The following AUTS2 variants were observed in gnomAD, a reference collection of about 807,000 sequenced individuals.
The protein encoded by AUTS2 is activator of transcription and developmental regulator AUTS2.
Under a neutral mutation model 112.4 loss-of-function variants are expected in AUTS2, and 17 were observed. The ratio of observed to expected loss-of-function variants is 0.15; its 90% CI spans 0.10 to 0.23. The LOEUF (loss-of-function observed/expected upper bound fraction) is 0.23. AUTS2 is among the 10% of genes least tolerant of loss of function. The probability of loss-of-function intolerance (pLI) is 1.00; values close to 1 mark genes in which losing one functional copy is unlikely to be tolerated. For synonymous variants in AUTS2, 751 were observed against 702.7 expected, an observed-to-expected ratio of 1.07 and a Z score of -1.09; for missense variants, 1,510 against 1,701.6, an observed-to-expected ratio of 0.89 and a Z score of 1.98.
At chr7:69,632,624 TTTTC>T (rs1247324894) in intron 1 of AUTS2, among the ~76,000 whole-genome samples, 3 of 146,908 alleles carry the variant, frequency 2.0e-5, no homozygotes, top group Non-Finnish European at 3.0e-5. Flanking sequence ...TCCCTCTCTG[TTTTC>T]TTTCTCTTTC....
chr7:69,903,197 C>T (rs1036559560), intron 2 of AUTS2, among the ~76,000 whole-genome samples: 1 of 152,016 alleles, frequency 6.6e-6, no homozygotes, highest in Non-Finnish European at 1.5e-5. Flanking sequence ...GAGCTTTATT[C>T]TCTAATTGGG....
chr7:70,267,864 T>A (rs1787508818), intron 4 of AUTS2, among the ~76,000 whole-genome samples: 1 of 152,162 alleles, frequency 6.6e-6, no homozygotes, highest in African/African-American at 2.4e-5. Flanking sequence ...AGGGATTGCT[T>A]TTCCCCCCCT....
intron 1 of AUTS2, among the ~76,000 whole-genome samples, chr7:69,702,041 G>T (rs1357759954): frequency 6.6e-6 from 1 of 152,190 alleles, no homozygotes; most frequent in East Asian, 1.9e-4. Flanking sequence ...TGAGATCAGT[G>T]CATCCTCTTT....
intron 4 of AUTS2, among the ~76,000 whole-genome samples, chr7:70,396,050 G>T (rs1320847977): frequency 7.9e-5 from 12 of 152,172 alleles, no homozygotes; most frequent in Admixed American, 7.9e-4. Flanking sequence ...CAGCTTTATT[G>T]TGGTGTAATT....
intron 6 of AUTS2, among the ~76,000 whole-genome samples, chr7:70,721,255 G>C (rs184163062): frequency 6.7e-6 from 1 of 149,106 alleles, no homozygotes; most frequent in East Asian, 2.0e-4. Flanking sequence ...CACGACTGAC[G>C]TGTGTGACAG....
intron 5 of AUTS2, among the ~76,000 whole-genome samples, chr7:70,479,541 G>A (rs1348014114): frequency 1.3e-5 from 2 of 152,228 alleles, no homozygotes; most frequent in Admixed American, 1.3e-4. Flanking sequence ...AGACGTTACT[G>A]ATGATGCATT....
intron 5 of AUTS2, among the ~76,000 whole-genome samples, chr7:70,629,533 A>G (rs1031667140): frequency 6.6e-6 from 1 of 151,628 alleles, no homozygotes; most frequent in African/African-American, 2.4e-5. Context: ...TGGTCATAGC[A>G]GCCAACATAC....
In AUTS2 at chr7:70,500,725, A is replaced by AT. The variant is rs145102247; in HGVS notation, c.690+64958dup. Among the ~76,000 whole-genome samples the AT allele has an allele frequency of 1.6e-3, 238 of 145,266 alleles. 1 individual carries two copies. Among genetic ancestry groups the AT allele is most frequent in the Middle Eastern group, 3.6e-3 (1 of 278 alleles). On this transcript the variant is annotated intron_variant, in intron 5 of 18. Transcript: ENST00000342771. ...AAATAATGGGTTGACCAAATTGATA[A>AT]TTTTTTTTTTTTTTGAGATGGAGTC... is the stretch of plus-strand genomic sequence containing the variant.
At position 69,606,188 on chromosome 7, in the gene AUTS2, G is replaced by A. The variant is rs565964676; in HGVS notation, c.309+6226G>A. ...GTTAAGAAAACAGAACAGTAAACAT[G>A]ATTCAAGGAGTGTTGAGGGTGATAG... On this transcript the variant is annotated intron_variant, in intron 1 of 18. Coordinates refer to ENST00000342771, the MANE Select transcript of AUTS2 (RefSeq NM_015570.4). Among the ~76,000 whole-genome samples, 15 of 152,320 alleles carry A rather than the reference G, an allele frequency of 9.8e-5. 1 individual carries two copies. The East Asian group carries it at 2.9e-3, about 29-fold the overall frequency.
At chr7:70,616,753 G>GTTCTT (rs1804390397) in intron 5 of AUTS2, among the ~76,000 whole-genome samples, 1 of 131,304 alleles carries the variant, frequency 7.6e-6, no homozygotes, top group Non-Finnish European at 1.6e-5. Context: ...GTGTCGAATA[G>GTTCTT]TTTTTTTTTT....
intron 1 of AUTS2, among the ~76,000 whole-genome samples, chr7:69,692,287 TC>T (rs1379547328): frequency 6.6e-6 from 1 of 152,202 alleles, no homozygotes; most frequent in Non-Finnish European, 1.5e-5. Flanking sequence ...ACTTCGGTGG[TC>T]CTTTGAAATG....
At chr7:70,748,600 ATGAACCTACCAG>A (rs1300892556) in intron 6 of AUTS2, among the ~76,000 whole-genome samples, 4 of 152,230 alleles carry the variant, frequency 2.6e-5, no homozygotes, top group African/African-American at 9.6e-5. Context: ...AATAGTGTTC[ATGAACCTACCAG>A]TGAGATATTT....
intron 1 of AUTS2, among the ~76,000 whole-genome samples, chr7:69,877,251 T>C (rs763619354): frequency 2.6e-5 from 4 of 152,164 alleles, no homozygotes; most frequent in African/African-American, 7.2e-5. Flanking sequence ...AAGAAGTGTG[T>C]GAAAAGCCTT....
chr7:69,650,707 G>C (rs1056152172), intron 1 of AUTS2, among the ~76,000 whole-genome samples: 5 of 152,216 alleles, frequency 3.3e-5, no homozygotes, highest in African/African-American at 1.2e-4. Context: ...CGGGTTGCAA[G>C]CCCATGAAGA....
chr7:70,471,464 A>G (rs1048297706), intron 5 of AUTS2, among the ~76,000 whole-genome samples: 1 of 152,190 alleles, frequency 6.6e-6, no homozygotes, highest in Admixed American at 6.5e-5. Flanking sequence ...GAGATATGTA[A>G]GAAAATTTTC....
intron 4 of AUTS2, among the ~76,000 whole-genome samples, chr7:70,187,302 CT>C (rs1809653727): frequency 6.6e-6 from 1 of 152,048 alleles, no homozygotes; most frequent in African/African-American, 2.4e-5. Flanking sequence ...ATGTTGATCA[CT>C]TTTTGTTTGA....
At chr7:70,189,310 G>A (rs1272300712) in intron 4 of AUTS2, among the ~76,000 whole-genome samples, 1 of 152,092 alleles carries the variant, frequency 6.6e-6, no homozygotes, top group Non-Finnish European at 1.5e-5. Flanking sequence ...AAGGACTGTA[G>A]TTTTTTTTAC....
chr7:70,011,314 T>TCTCCC (rs1554427051), intron 2 of AUTS2, among the ~76,000 whole-genome samples: 1 of 110,492 alleles, frequency 9.1e-6, no homozygotes. Flanking sequence ...TCTCCTTTCC[T>TCTCCC]CTCTCCTCTC....
At chr7:69,887,867 T>C (rs1219707315) in intron 1 of AUTS2, among the ~76,000 whole-genome samples, 2 of 152,188 alleles carry the variant, frequency 1.3e-5, no homozygotes, top group Non-Finnish European at 2.9e-5. Flanking sequence ...ATTGGCCTCT[T>C]TCATTTTTTT....
Sources: gnomAD v4.1 joint callset for allele counts (sites outside exome capture counted in the v4.1 genomes callset) on GRCh38, gnomAD v4.1.1 for gene constraint, MANE v1.5 for transcripts, NCBI Gene and HGNC (gene_info 2026-07-23, HGNC 2026-07-21) for gene names.